ENDOD1: variants seen among roughly 807,000 people sequenced by gnomAD.
ENDOD1 encodes endonuclease domain containing 1.
In ENDOD1, 9 loss-of-function variants were observed where a neutral mutation model predicts 6.5. The ratio of observed to expected loss-of-function variants is 1.39; its 90% CI spans 0.84 to 2.43. ENDOD1 has a LOEUF of 2.43. Among genes scored for constraint, ENDOD1 ranks in the 30% most tolerant of loss-of-function variants. The probability of loss-of-function intolerance (pLI) is 0.00; values close to 1 mark genes in which losing one functional copy is unlikely to be tolerated. For synonymous variants in ENDOD1, 255 were observed against 255.2 expected (o/e 1.00, Z 0.01); for missense variants, 648 against 635.5 (o/e 1.02, Z -0.21).
intron 1 of ENDOD1, among the ~76,000 whole-genome samples, chr11:95,099,742 G>T (rs1354304560): frequency 6.6e-6 from 1 of 152,194 alleles, no homozygotes; most frequent in Non-Finnish European, 1.5e-5. Flanking sequence ...GCAGGTTCTT[G>T]CATTTGTCCC....
At chr11:95,094,405 C>T (rs1858964220) in intron 1 of ENDOD1, among the ~76,000 whole-genome samples, 1 of 152,204 alleles carries the variant, frequency 6.6e-6, no homozygotes, top group Admixed American at 6.5e-5. Context: ...TAATTTTCAT[C>T]TTTTATGTGA....
At chr11:95,117,138 G>A (rs1487427953) in intron 1 of ENDOD1, among the ~76,000 whole-genome samples, 5 of 152,174 alleles carry the variant, frequency 3.3e-5, no homozygotes, top group South Asian at 2.1e-4. Flanking sequence ...GGTTGGGCAC[G>A]GTGGCTCATG....
rs535261452 is a variant in ENDOD1 at position 95,117,263 on chromosome 11, G to A, written c.301-11114G>A. 1.1e-3 allele frequency among the ~76,000 whole-genome samples: 175 copies of A among 152,320 alleles called. 3 individuals carry two copies. The highest frequency in any genetic ancestry group is 3.4e-3 in the Middle Eastern group (1 of 294). On this transcript the variant is annotated intron_variant, in intron 1 of 1. Coordinates refer to ENST00000278505, the MANE Select transcript of ENDOD1 (RefSeq NM_015036.3). ...GTCTCTACCAAAAATACAAAAATTAGCCAGGTGTGGTGGCATGTGCCTGTA... is the reference window on the plus strand; with the variant it reads ...GTCTCTACCAAAAATACAAAAATTAACCAGGTGTGGTGGCATGTGCCTGTA...
At chr11:95,120,641 G>T (rs1859254169) in intron 1 of ENDOD1, among the ~76,000 whole-genome samples, 1 of 151,820 alleles carries the variant, frequency 6.6e-6, no homozygotes, top group South Asian at 2.1e-4. Flanking sequence ...TAGGGGAGGG[G>T]TGATGCCAGC....
intron 1 of ENDOD1, among the ~76,000 whole-genome samples, chr11:95,094,243 G>A (rs1565442969): frequency 6.6e-6 from 1 of 151,538 alleles, no homozygotes; most frequent in Non-Finnish European, 1.5e-5. Context: ...TATCTTCATT[G>A]TAGAAAGGAG....
intron 1 of ENDOD1, among the ~76,000 whole-genome samples, chr11:95,115,137 C>G (rs1233703237): frequency 1.3e-5 from 2 of 151,978 alleles, no homozygotes; most frequent in Non-Finnish European, 2.9e-5. Context: ...AATATTTTTC[C>G]TCTTTTTGTG....
intron 1 of ENDOD1, among the ~76,000 whole-genome samples, chr11:95,100,740 TC>T: frequency 6.6e-6 from 1 of 151,670 alleles, no homozygotes; most frequent in Non-Finnish European, 1.5e-5. Context: ...CAAGTGATCC[TC>T]CTGTATCGGC....
chr11:95,102,934 A>G (rs1407751618), intron 1 of ENDOD1, among the ~76,000 whole-genome samples: 1 of 152,214 alleles, frequency 6.6e-6, no homozygotes, highest in Non-Finnish European at 1.5e-5. Context: ...AGAGCGACTC[A>G]TAATTGAGTT....
intron 1 of ENDOD1, among the ~76,000 whole-genome samples, chr11:95,106,827 C>A (rs551272702): frequency 5.3e-5 from 8 of 151,992 alleles, no homozygotes; most frequent in Non-Finnish European, 1.0e-4. Flanking sequence ...GACACCCCCC[C>A]CTTTCCCCCG....
intron 1 of ENDOD1, among the ~76,000 whole-genome samples, chr11:95,101,163 A>G (rs1373849596): frequency 1.3e-5 from 2 of 152,156 alleles, no homozygotes; most frequent in African/African-American, 4.8e-5. Flanking sequence ...CTCTGTTGCT[A>G]CTATTCAACT....
intron 1 of ENDOD1, among the ~76,000 whole-genome samples, chr11:95,093,826 C>T (rs566888434): frequency 1.3e-5 from 2 of 152,266 alleles, no homozygotes; most frequent in African/African-American, 2.4e-5. Flanking sequence ...GCTCTGCAGC[C>T]ACTCCATCAG....
rs1017276259 is a variant in ENDOD1, at chr11:95,130,993, A to T, written c.*1414A>T. 6.6e-6 allele frequency: 1 copy of T among 152,258 alleles called. No individual in the cohort carries two copies. Among genetic ancestry groups the T allele is most frequent in the Admixed American group, 6.5e-5 (1 of 15,286 alleles). 9.4% of individuals were successfully genotyped at this position (152,258 alleles called of 1,614,324 possible). ...ACCGCCCAGGATCAATCAGAAAGTT[A>T]TATGCAAAAATTCGGGGTCCCAACA... On this transcript the variant is annotated 3_prime_UTR_variant, in exon 2 of 2. Coordinates refer to ENST00000278505, the MANE Select transcript of ENDOD1 (RefSeq NM_015036.3).
rs782691082 is a variant in ENDOD1 at position 95,090,200 on chromosome 11, C to A, written c.273C>A (p.Ala91=). ...CCCCGCGCCCTGCGCCCGGCGGCGCCGAGCAGCGATGGCTGGTGGAGCCGC... is the reference window on the plus strand; with the variant it reads ...CCCCGCGCCCTGCGCCCGGCGGCGCAGAGCAGCGATGGCTGGTGGAGCCGC... The part of the protein sequence containing the change: ...FRAPRPAPGG[A]EQRWLVEPQI... The change falls in exon 1 of 2, where the codon GCC becomes GCA. Residue 91 remains alanine (A), a synonymous_variant. Coordinates refer to ENST00000278505, the MANE Select transcript of ENDOD1 (RefSeq NM_015036.3). The A allele has an allele frequency of 2.8e-6, 4 of 1,409,278 alleles. No homozygotes were observed. In the East Asian group the frequency reaches 9.2e-5, roughly 33 times the overall value. The allele number at this position is 1,409,278 out of a possible 1,614,324, so 87.3% of individuals were successfully genotyped here.
chr11:95,090,174 G>A lies in ENDOD1; in HGVS notation c.247G>A (p.Ala83Thr), dbSNP rs1858914148. ...CATCCCCGTGTACTCCGCGTTCCGC[G>A]CCCCGCGCCCTGCGCCCGGCGGCGC... ...DRIPVYSAFR[A>T]PRPAPGGAEQ... The change falls in exon 1 of 2, where the codon GCC becomes ACC. Residue 83 changes from alanine (A) to threonine (T), a missense_variant. By Grantham distance (58) the Ala-to-Thr change is moderately conservative. Coordinates refer to ENST00000278505, the MANE Select transcript of ENDOD1 (RefSeq NM_015036.3). The A allele has an allele frequency of 2.1e-6, 3 of 1,433,500 alleles. No homozygotes were observed. Among genetic ancestry groups the A allele is most frequent in the South Asian group, 1.4e-5 (1 of 72,600 alleles). 88.8% of individuals were successfully genotyped at this position (1,433,500 alleles called of 1,614,324 possible).
chr11:95,091,190 C>T (rs1858927587), intron 1 of ENDOD1, among the ~76,000 whole-genome samples: 1 of 152,208 alleles, frequency 6.6e-6, no homozygotes, highest in Non-Finnish European at 1.5e-5. Flanking sequence ...TCTCACCAGC[C>T]TCCCACCCCT....
chr11:95,112,618 G>T (rs537394469), intron 1 of ENDOD1, among the ~76,000 whole-genome samples: 1 of 152,152 alleles, frequency 6.6e-6, no homozygotes, highest in South Asian at 2.1e-4. Flanking sequence ...AAGCCTTTGT[G>T]TAGAAATCTT....
rs1363930626 is a variant in ENDOD1 at position 95,128,377 on chromosome 11, A to G, written c.301A>G (p.Ile101Val). 6.2e-6 allele frequency: 10 copies of G among 1,610,002 alleles called. No homozygotes were observed. Among genetic ancestry groups the G allele is most frequent in the Middle Eastern group, 1.7e-4 (1 of 6,056 alleles). Residue 101 changes from isoleucine to valine, a missense_variant and splice_region_variant, in exon 2 of 2, where the codon ATC (isoleucine) becomes GTC (valine). By Grantham distance (29) the Ile-to-Val change is conservative. Transcript: ENST00000278505. ...CTCACCACTTGTTTTCTTCTTGCAG[A>G]TCGATGACCCCAACAGCAACCTTGA... The part of the protein sequence containing the change: ...AEQRWLVEPQ[I>V]DDPNSNLEEA...
At chr11:95,125,923 T>C (rs1407502046) in intron 1 of ENDOD1, among the ~76,000 whole-genome samples, 1 of 152,198 alleles carries the variant, frequency 6.6e-6, no homozygotes, top group East Asian at 1.9e-4. Flanking sequence ...TGTGTCTTTA[T>C]AGCAGCATGA....
rs1859220437 is a variant in ENDOD1, at chr11:95,117,305, A to C, written c.301-11072A>C. ...GTGCCTGTAATCCCAGCTACCTGGG[A>C]GGGTGAGGCAGGAGAATTGCTTGAA... On this transcript the variant is annotated intron_variant, in intron 1 of 1. Coordinates refer to ENST00000278505, the MANE Select transcript of ENDOD1 (RefSeq NM_015036.3). 2.0e-5 allele frequency among the ~76,000 whole-genome samples: 3 copies of C among 152,196 alleles called. No individual in the cohort carries two copies. In the South Asian group the frequency reaches 6.2e-4, roughly 31 times the overall value.
Sources: gnomAD v4.1 joint callset for allele counts (sites outside exome capture counted in the v4.1 genomes callset) on GRCh38, gnomAD v4.1.1 for gene constraint, MANE v1.5 for transcripts, NCBI Gene and HGNC (gene_info 2026-07-23, HGNC 2026-07-21) for gene names.